The following FSTL1 variants were observed in gnomAD, a reference collection of about 807,000 sequenced individuals.
FSTL1 encodes the protein follistatin like 1.
Under a neutral mutation model 45.9 loss-of-function variants are expected in FSTL1, and 24 were observed. That is an observed-to-expected ratio of 0.52 (90% CI 0.38 to 0.74). The LOEUF is 0.74. Ranked by LOEUF, FSTL1 falls within the 30% of genes least tolerant of loss-of-function variation. The probability of loss-of-function intolerance (pLI) is 0.00; values close to 1 mark genes in which losing one functional copy is unlikely to be tolerated. For synonymous variants in FSTL1, 120 were observed against 137.6 expected (o/e 0.87, Z 0.89); for missense variants, 340 against 381.8 (o/e 0.89, Z 0.91).
Position 120,414,698 on chromosome 3 carries a change from C to G in FSTL1, c.168+1225G>C, listed in dbSNP as rs573050940. Among the ~76,000 whole-genome samples the G allele has an allele frequency of 2.6e-5, 4 of 151,638 alleles. No individual in the cohort carries two copies. In the East Asian group the frequency reaches 5.8e-4, roughly 22 times the overall value. ...GTTGATCTGTGACCTTACCCCCAAC[C>G]CTGTGCTCTCTGAAACATATGCTGT... is the stretch of plus-strand genomic sequence containing the variant. On this transcript the variant is annotated intron_variant, in intron 3 of 10. Coordinates refer to ENST00000295633, the MANE Select transcript of FSTL1 (RefSeq NM_007085.5).
chr3:120,428,455 G>A (rs548749031), intron 2 of FSTL1, among the ~76,000 whole-genome samples: 9 of 152,250 alleles, frequency 5.9e-5, no homozygotes, highest in East Asian at 5.8e-4. Context: ...AGGACAGGCC[G>A]GGCACAGTGG....
Position 120,393,763 on chromosome 3 carries a change from T to A in FSTL1, c.*3189A>T, listed in dbSNP as rs1936635980. The A allele has an allele frequency of 1.3e-5, 2 of 152,218 alleles. No individual in the cohort carries two copies. Among genetic ancestry groups the A allele is most frequent in the Non-Finnish European group, 2.9e-5 (2 of 68,048 alleles). 9.4% of individuals were successfully genotyped at this position (152,218 alleles called of 1,614,324 possible). A position where few individuals can be genotyped will look rare whatever the true frequency, so the allele number is the denominator to read the frequency against. The stretch of plus-strand genomic sequence containing the variant: ...GCAATGGTATTGAGAGGTGAGGCTC[T>A]TGGGAGATGATTAGGTCATCAAAGT... On this transcript the variant is annotated 3_prime_UTR_variant, in exon 11 of 11. Coordinates refer to ENST00000295633, the MANE Select transcript of FSTL1 (RefSeq NM_007085.5).
At chr3:120,414,677 A>C (rs1937155214) in intron 3 of FSTL1, among the ~76,000 whole-genome samples, 1 of 151,702 alleles carries the variant, frequency 6.6e-6, no homozygotes, top group African/African-American at 2.4e-5. Context: ...GATCCTGTTG[A>C]TCTGTGACCT....
intron 2 of FSTL1, among the ~76,000 whole-genome samples, chr3:120,436,940 C>T (rs1285413061): frequency 1.3e-5 from 2 of 152,162 alleles, no homozygotes; most frequent in Admixed American, 6.5e-5. Flanking sequence ...CACCAAGAAG[C>T]CATGCTGGGC....
Position 120,450,950 on chromosome 3 carries a change from T to G in FSTL1, c.-54A>C. On this transcript the variant is annotated 5_prime_UTR_variant, in exon 1 of 11. Transcript: ENST00000295633. The stretch of plus-strand genomic sequence containing the variant: ...GCGGGGCAGGACGGCGGCAGCGAGC[T>G]GTAAGCGGAGGTGGGAGCTCCGCCG... 2.1e-6 allele frequency: 1 copy of G among 472,224 alleles called. No homozygotes were observed. 29.3% of individuals were successfully genotyped at this position (472,224 alleles called of 1,614,324 possible). A position where few individuals can be genotyped will look rare whatever the true frequency, so the allele number is the denominator to read the frequency against.
Position 120,394,322 on chromosome 3 carries a change from A to T in FSTL1, c.*2630T>A, listed in dbSNP as rs1936653073. 2 of 152,236 alleles carry T rather than the reference A, an allele frequency of 1.3e-5. No individual in the cohort carries two copies. The highest frequency in any genetic ancestry group is 1.3e-4 in the Admixed American group (2 of 15,290). The allele number at this position is 152,236 out of a possible 1,614,324, so 9.4% of individuals were successfully genotyped here. ...TCATCAATAGTATCCGAAAAGGAAG[A>T]ATCAGGAGTTACAAAAACAAGTTAA... is the stretch of plus-strand genomic sequence containing the variant. On this transcript the variant is annotated 3_prime_UTR_variant, in exon 11 of 11. Transcript: ENST00000295633.
chr3:120,403,937 A>AC (rs1179822109), intron 7 of FSTL1, among the ~76,000 whole-genome samples: 102 of 130,438 alleles, frequency 7.8e-4, no homozygotes, highest in Admixed American at 1.4e-3. Flanking sequence ...AAAAAAAAAA[A>AC]AAAAAAACAA....
chr3:120,400,082 AC>A, intron 9 of FSTL1, 123 bp from the exon 10 acceptor site: 1 of 702,750 alleles, frequency 1.4e-6, no homozygotes, highest in Non-Finnish European at 2.5e-6. Context: ...GAGGTGAATT[AC>A]CCACATTTTC....
intron 2 of FSTL1, among the ~76,000 whole-genome samples, chr3:120,433,076 G>A (rs1937506690): frequency 6.6e-6 from 1 of 152,220 alleles, no homozygotes; most frequent in African/African-American, 2.4e-5. Flanking sequence ...AGACAAAGGT[G>A]ACTAGTGACT....
intron 2 of FSTL1, among the ~76,000 whole-genome samples, chr3:120,445,547 T>A (rs1009916015): frequency 6.7e-6 from 1 of 149,410 alleles, no homozygotes; most frequent in South Asian, 2.1e-4. Flanking sequence ...CTTTCTGTAC[T>A]AACTCCCTCA....
intron 6 of FSTL1, among the ~76,000 whole-genome samples, chr3:120,406,471 C>T (rs1680882615): frequency 6.6e-6 from 1 of 152,170 alleles, no homozygotes; most frequent in Non-Finnish European, 1.5e-5. Flanking sequence ...CAAGTGGGCA[C>T]CATGAACCTG....
rs529047121 is a variant in FSTL1 at position 120,448,246 on chromosome 3, C to T, written c.63+2438G>A. Among the ~76,000 whole-genome samples the T allele has an allele frequency of 9.2e-5, 14 of 152,224 alleles. No homozygotes were observed. The South Asian group carries it at 1.0e-3, about 11-fold the overall frequency. ...TTCAACAATATTTGTACAATTTTAG[C>T]GATTTGAAGTTTACTAAAATAGATT... is the stretch of plus-strand genomic sequence containing the variant. On this transcript the variant is annotated intron_variant, in intron 2 of 10. Coordinates refer to ENST00000295633, the MANE Select transcript of FSTL1 (RefSeq NM_007085.5).
At chr3:120,415,391 GAGTTAAA>G (rs1350994600) in intron 3 of FSTL1, among the ~76,000 whole-genome samples, 5 of 152,176 alleles carry the variant, frequency 3.3e-5, no homozygotes, top group African/African-American at 4.8e-5. Context: ...TGAGTTAAAT[GAGTTAAA>G]AGTATATGTG....
intron 6 of FSTL1, among the ~76,000 whole-genome samples, chr3:120,406,257 T>C (rs1285974963): frequency 6.6e-6 from 1 of 152,168 alleles, no homozygotes; most frequent in Non-Finnish European, 1.5e-5. Flanking sequence ...TTGTGAAGTC[T>C]TGATTAATTA....
At chr3:120,442,789 A>G (rs1000423930) in intron 2 of FSTL1, among the ~76,000 whole-genome samples, 2 of 106,792 alleles carry the variant, frequency 1.9e-5, no homozygotes, top group African/African-American at 3.6e-5. Flanking sequence ...CTCAAAAAAG[A>G]AAAAAAAAAA....
intron 2 of FSTL1, among the ~76,000 whole-genome samples, chr3:120,447,019 G>C (rs371583096): frequency 1.3e-5 from 2 of 152,166 alleles, no homozygotes; most frequent in African/African-American, 4.8e-5. Context: ...AGTGACAGCA[G>C]AGACATCCAC....
chr3:120,410,702 A>G (rs779672037), intron 5 of FSTL1: 15 of 621,326 alleles, frequency 2.4e-5, no homozygotes, highest in Non-Finnish European at 4.3e-5. Flanking sequence ...ATGCAGTTCA[A>G]TCACTACTCA....
intron 2 of FSTL1, chr3:120,419,721 G>C (rs1937247080): frequency 6.6e-6 from 1 of 152,268 alleles, no homozygotes; most frequent in Admixed American, 6.5e-5. Context: ...ATGTTAATTT[G>C]TGTTGGGTCC....
chr3:120,428,438 A>G (rs1458864156), intron 2 of FSTL1, among the ~76,000 whole-genome samples: 2 of 152,196 alleles, frequency 1.3e-5, no homozygotes, highest in Non-Finnish European at 2.9e-5. Flanking sequence ...TCTCCACTTT[A>G]AAAACAAGGA....
Sources: gnomAD v4.1 joint callset for allele counts (sites outside exome capture counted in the v4.1 genomes callset) on GRCh38, gnomAD v4.1.1 for gene constraint, MANE v1.5 for transcripts, NCBI Gene and HGNC (gene_info 2026-07-23, HGNC 2026-07-21) for gene names.